Variants in DPYSL2 observed in about 807,000 individuals in gnomAD.
DPYSL2 encodes the protein dihydropyrimidinase-related protein 2.
In DPYSL2, 13 loss-of-function variants were observed where a neutral mutation model predicts 69.9. The observed-to-expected ratio is 0.19, with a 90% CI of 0.12 to 0.30. The LOEUF (loss-of-function observed/expected upper bound fraction) is 0.30. DPYSL2 is among the 10% of genes least tolerant of loss of function. The pLI is 1.00. For synonymous variants in DPYSL2, 326 were observed against 359.1 expected, an observed-to-expected ratio of 0.91 and a Z score of 1.04; for missense variants, 587 against 918.9, an observed-to-expected ratio of 0.64 and a Z score of 4.67.
rs1764985059 is a variant in DPYSL2, at chr8:26,580,803, TCAGCTTGC to T, written c.355-1162_355-1155del. ...GCATATTAAAAGGGCAATGTATGGT[TCAGCTTGC>T]CAGGTTTAAGCCCATTCTGTATAAT... On this transcript the variant is annotated intron_variant, in intron 1 of 13. Coordinates refer to ENST00000521913, the MANE Select transcript of DPYSL2 (RefSeq NM_001197293.3). This position sits in a 1 kb window ranked among gnomAD's most constrained non-coding sequence, Gnocchi z 4.1. Among the ~76,000 whole-genome samples the T allele has an allele frequency of 6.6e-6, 1 of 152,200 alleles. No homozygotes were observed. The highest frequency in any genetic ancestry group is 2.1e-4 in the South Asian group (1 of 4,834).
In DPYSL2 at chr8:26,657,795, G is replaced by T. The variant is rs574997661; in HGVS notation, c.*2089G>T. 1 of 152,582 alleles carries T rather than the reference G, an allele frequency of 6.6e-6. No individual in the cohort carries two copies. Among genetic ancestry groups the T allele is most frequent in the African/African-American group, 2.4e-5 (1 of 41,432 alleles). 9.5% of individuals were successfully genotyped at this position (152,582 alleles called of 1,614,324 possible). ...CTTAAAAAACAAGTTAAAACCTGACGATTTCTGCAGGCTGTGTAAGCATGT... is the reference window on the plus strand; with the variant it reads ...CTTAAAAAACAAGTTAAAACCTGACTATTTCTGCAGGCTGTGTAAGCATGT... On this transcript the variant is annotated 3_prime_UTR_variant, in exon 14 of 14. Coordinates refer to ENST00000521913, the MANE Select transcript of DPYSL2 (RefSeq NM_001197293.3).
In DPYSL2 at chr8:26,607,929, T is replaced by G. The variant is rs561007271; in HGVS notation, c.629-16214T>G. On this transcript the variant is annotated intron_variant, in intron 3 of 13. Coordinates refer to ENST00000521913, the MANE Select transcript of DPYSL2 (RefSeq NM_001197293.3). ...CCTGTCCCTACTAAAAACAAAAAAT[T>G]AGCCGGGCATAGTGGCACGCACCTG... is the stretch of plus-strand genomic sequence containing the variant. 9.9e-5 allele frequency among the ~76,000 whole-genome samples: 15 copies of G among 151,844 alleles called. No homozygotes were observed. In the South Asian group the frequency reaches 3.1e-3, roughly 32 times the overall value.
At chr8:26,568,823 C>G (rs184000243) in intron 1 of DPYSL2, among the ~76,000 whole-genome samples, 17 of 152,092 alleles carry the variant, frequency 1.1e-4, no homozygotes, top group African/African-American at 4.1e-4. Flanking sequence ...GGGAGATCTG[C>G]GGTATTTTCT....
intron 3 of DPYSL2, among the ~76,000 whole-genome samples, chr8:26,616,815 A>G (rs1189897636): frequency 6.7e-6 from 1 of 149,528 alleles, no homozygotes; most frequent in Non-Finnish European, 1.5e-5. Flanking sequence ...CTCATGCTCC[A>G]TGGGTATAAC....
intron 1 of DPYSL2, among the ~76,000 whole-genome samples, chr8:26,524,835 A>AAAAAAAAAAGAG (rs1563374151): frequency 1.3e-5 from 1 of 74,184 alleles, no homozygotes; most frequent in African/African-American, 4.3e-5. Flanking sequence ...AAAAAAAAAA[A>AAAAAAAAAAGAG]AGAGAGAGAA....
rs1237614193 is a variant in DPYSL2 at position 26,622,073 on chromosome 8, T to TTTTCTTTC, written c.629-2057_629-2050dup. On this transcript the variant is annotated intron_variant, in intron 3 of 13. Transcript: ENST00000521913. ...AGTGATATTTTTATGCTTTTCTTTTTTTTCTTTCTTTCTTTCTTTCCTTCC... is the reference window on the plus strand; with the variant it reads ...AGTGATATTTTTATGCTTTTCTTTTTTTTCTTTCTTTCTTTCTTTCTTTCTTTCCTTCC... Among the ~76,000 whole-genome samples, 53 of 139,122 alleles carry TTTTCTTTC rather than the reference T, an allele frequency of 3.8e-4. 1 individual carries two copies. Among genetic ancestry groups the TTTTCTTTC allele is most frequent in the Non-Finnish European group, 6.5e-4 (41 of 63,172 alleles). 91.3% of individuals were successfully genotyped at this position (139,122 alleles called of 152,430 possible).
intron 3 of DPYSL2, among the ~76,000 whole-genome samples, chr8:26,595,077 G>T (rs1801828771): frequency 2.6e-5 from 4 of 152,028 alleles, no homozygotes; most frequent in Admixed American, 2.6e-4. Flanking sequence ...TAAAAAATTA[G>T]CTGGGCGTGG....
chr8:26,611,667 C>A (rs887718192), intron 3 of DPYSL2, among the ~76,000 whole-genome samples: 1 of 152,200 alleles, frequency 6.6e-6, no homozygotes, highest in African/African-American at 2.4e-5. Context: ...TGGAGAAATT[C>A]TGCATGGACC....
chr8:26,555,034 T>C (rs1800923547), intron 1 of DPYSL2, among the ~76,000 whole-genome samples: 1 of 151,196 alleles, frequency 6.6e-6, no homozygotes, highest in African/African-American at 2.4e-5. Context: ...ATTATACCAA[T>C]AGATGCAGTA....
At chr8:26,633,681 G>A (rs1802834107) in intron 7 of DPYSL2, among the ~76,000 whole-genome samples, 2 of 151,518 alleles carry the variant, frequency 1.3e-5, no homozygotes, top group South Asian at 4.2e-4. Context: ...TCACCATGTT[G>A]GTCAGGCTGG....
At position 26,565,411 on chromosome 8, in the gene DPYSL2, G is replaced by A. The variant is rs956034752; in HGVS notation, c.355-16558G>A. ...TAAGAGTAGCAGAATGATGCTGCTG[G>A]TGAGAGTAGTCCAGGAAATGGACCA... is the stretch of plus-strand genomic sequence containing the variant. On this transcript the variant is annotated intron_variant, in intron 1 of 13. Transcript: ENST00000521913. The surrounding 1 kb of genome is among the most constrained non-coding windows in gnomAD (Gnocchi z 4.1). 2.0e-5 allele frequency among the ~76,000 whole-genome samples: 3 copies of A among 152,174 alleles called. No homozygotes were observed. The highest frequency in any genetic ancestry group is 2.9e-5 in the Non-Finnish European group (2 of 68,030).
intron 3 of DPYSL2, among the ~76,000 whole-genome samples, chr8:26,616,270 C>T (rs904479674): frequency 6.6e-6 from 1 of 151,868 alleles, no homozygotes; most frequent in African/African-American, 2.4e-5. Flanking sequence ...TTTTTCAGAG[C>T]AAAACCACGT....
Position 26,653,118 on chromosome 8 carries a change from A to G in DPYSL2, c.1777-114A>G. On this transcript the variant is annotated intron_variant, in intron 12 of 13. Transcript: ENST00000521913. The surrounding 1 kb of genome is among the most constrained non-coding windows in gnomAD (Gnocchi z 5.7). ...ACACAACACCTGTCCACCTGTCTGT[A>G]AGGAGAGCCCTCCATCCCTAGATCT... The G allele has an allele frequency of 7.6e-7, 1 of 1,309,400 alleles. No individual in the cohort carries two copies. The highest frequency in any genetic ancestry group is 1.1e-6 in the Non-Finnish European group (1 of 948,644). 81.1% of individuals were successfully genotyped at this position (1,309,400 alleles called of 1,614,324 possible).
chr8:26,632,032 C>T (rs573813464), intron 7 of DPYSL2, among the ~76,000 whole-genome samples: 2 of 152,168 alleles, frequency 1.3e-5, no homozygotes, highest in Non-Finnish European at 2.9e-5. Flanking sequence ...GGTGACCTAT[C>T]CATCACTAGC....
chr8:26,636,109 A>G (rs1802909368), intron 8 of DPYSL2, among the ~76,000 whole-genome samples: 1 of 152,230 alleles, frequency 6.6e-6, no homozygotes, highest in Non-Finnish European at 1.5e-5. Flanking sequence ...CTACACATCA[A>G]ATGGTTGCTG....
At chr8:26,638,124 CATG>C (rs1204066432) in intron 8 of DPYSL2, 1 of 152,220 alleles carries the variant, frequency 6.6e-6, no homozygotes, top group Admixed American at 6.5e-5. Flanking sequence ...AATGCATTTT[CATG>C]ATGTGATACT....
intron 3 of DPYSL2, among the ~76,000 whole-genome samples, chr8:26,584,774 C>A (rs536302956): frequency 6.6e-6 from 1 of 152,188 alleles, no homozygotes; most frequent in Non-Finnish European, 1.5e-5. Flanking sequence ...CATGCACCCC[C>A]ACGCTTGGCT....
rs1672298060 is a variant in DPYSL2 at position 26,588,546 on chromosome 8, G to A, written c.628+4563G>A. Among the ~76,000 whole-genome samples the A allele has an allele frequency of 6.6e-6, 1 of 152,142 alleles. No homozygotes were observed. Among genetic ancestry groups the A allele is most frequent in the Non-Finnish European group, 1.5e-5 (1 of 68,024 alleles). On this transcript the variant is annotated intron_variant, in intron 3 of 13. Transcript: ENST00000521913. This position sits in a 1 kb window ranked among gnomAD's most constrained non-coding sequence, Gnocchi z 5.4. Reference sequence around the variant, plus strand: ...ACTCCAGGCTCTCTCTAGAGGAGGTGCACCCTCAGGCACAACATACCCAGC... The same window carrying A: ...ACTCCAGGCTCTCTCTAGAGGAGGTACACCCTCAGGCACAACATACCCAGC...
intron 1 of DPYSL2, among the ~76,000 whole-genome samples, chr8:26,563,298 T>C (rs899740259): frequency 1.3e-5 from 2 of 152,232 alleles, no homozygotes; most frequent in African/African-American, 2.4e-5. Flanking sequence ...CCCATGTTTT[T>C]GTTTTCTCTT....
Sources: allele counts gnomAD v4.1 joint callset (sites outside exome capture counted in the v4.1 genomes callset), GRCh38; gene constraint gnomAD v4.1.1; non-coding constraint Gnocchi (gnomAD v3.1); transcripts MANE v1.5; gene names NCBI Gene and HGNC (gene_info 2026-07-23, HGNC 2026-07-21).